Variants in FLT3 observed in about 807,000 individuals in gnomAD.
FLT3 encodes fms related receptor tyrosine kinase 3, also known as receptor-type tyrosine-protein kinase FLT3.
In FLT3, 46 loss-of-function variants were observed where a neutral mutation model predicts 126.6. The ratio of observed to expected loss-of-function variants is 0.36; its 90% CI spans 0.29 to 0.46. FLT3 has a LOEUF of 0.46. FLT3 is among the 20% of genes least tolerant of loss of function. FLT3 has a pLI of 1.00. For missense variants in FLT3, 1,069 were observed against 1,190.3 expected, an observed-to-expected ratio of 0.90 and a Z score of 1.50; for synonymous variants, 404 against 434.4, an observed-to-expected ratio of 0.93 and a Z score of 0.87.
intron 15 of FLT3, among the ~76,000 whole-genome samples, chr13:28,029,822 C>A (rs1873153688): frequency 6.6e-6 from 1 of 152,226 alleles, no homozygotes; most frequent in South Asian, 2.1e-4. Context: ...TTGGCCAATG[C>A]ATTCTCTCTC....
intron 4 of FLT3, among the ~76,000 whole-genome samples, chr13:28,056,118 G>C (rs184869914): frequency 2.6e-5 from 4 of 152,160 alleles, no homozygotes; most frequent in Admixed American, 2.0e-4. Flanking sequence ...GGACTCTTGC[G>C]TGCTCTCTTC....
At chr13:28,057,541 C>T (rs1272888411) in intron 3 of FLT3, 79 bp from the exon 4 acceptor site, 1 of 749,882 alleles carries the variant, frequency 1.3e-6, no homozygotes, top group African/African-American at 1.7e-5. Context: ...ACTAAAAAGG[C>T]AGTTTGGTAC....
At chr13:28,005,509 T>C (rs1423244936) in intron 23 of FLT3, among the ~76,000 whole-genome samples, 1 of 152,218 alleles carries the variant, frequency 6.6e-6, no homozygotes, top group Admixed American at 6.5e-5. Flanking sequence ...ATATTTACAT[T>C]ATTCACTAAG....
At chr13:28,048,192 A>G (rs1397750901) in intron 9 of FLT3, 83 bp downstream of exon 9, 7 of 1,067,270 alleles carry the variant, frequency 6.6e-6, no homozygotes, top group Non-Finnish European at 9.6e-6. Flanking sequence ...TTGCTTCCAT[A>G]AGTATAAAAC....
At chr13:28,058,189 C>T (rs1278531401) in intron 3 of FLT3, among the ~76,000 whole-genome samples, 2 of 135,964 alleles carry the variant, frequency 1.5e-5, no homozygotes, top group Admixed American at 7.9e-5. Context: ...TGAGACCCTA[C>T]CTCTATTTTT....
intron 1 of FLT3, among the ~76,000 whole-genome samples, chr13:28,091,277 A>G (rs567354593): frequency 1.2e-3 from 141 of 112,938 alleles, no homozygotes; most frequent in South Asian, 1.9e-3. Flanking sequence ...GCTGGAGTGC[A>G]GTGGCGCGAT....
At chr13:28,030,469 A>G (rs1873221164) in intron 15 of FLT3, among the ~76,000 whole-genome samples, 1 of 152,208 alleles carries the variant, frequency 6.6e-6, no homozygotes, top group African/African-American at 2.4e-5. Flanking sequence ...ACACTGGGGA[A>G]TGAAGGAAAA....
chr13:28,061,810 T>G, intron 3 of FLT3, 57 bp downstream of exon 3: 1 of 1,429,606 alleles, frequency 7.0e-7, no homozygotes, highest in Non-Finnish European at 9.8e-7. Flanking sequence ...AACAGAAACT[T>G]GAAACAAAAT....
intron 9 of FLT3, among the ~76,000 whole-genome samples, chr13:28,043,922 C>T (rs1874613037): frequency 1.3e-5 from 2 of 151,616 alleles, no homozygotes; most frequent in Admixed American, 6.6e-5. Flanking sequence ...CCAGCCTGGC[C>T]AACATGGTGA....
At chr13:28,029,382 G>A (rs1453773676) in intron 15 of FLT3, among the ~76,000 whole-genome samples, 1 of 150,156 alleles carries the variant, frequency 6.7e-6, no homozygotes, top group Non-Finnish European at 1.5e-5. Flanking sequence ...GTGACAGAGC[G>A]AGACTCTGTC....
At chr13:28,011,079 A>G (rs961525920) in intron 23 of FLT3, among the ~76,000 whole-genome samples, 3 of 151,906 alleles carry the variant, frequency 2.0e-5, no homozygotes, top group East Asian at 1.9e-4. Context: ...TGGAAGGCTG[A>G]GGTGGGCGGA....
intron 9 of FLT3, among the ~76,000 whole-genome samples, chr13:28,042,855 G>A (rs1184490694): frequency 6.9e-6 from 1 of 145,138 alleles, no homozygotes; most frequent in Non-Finnish European, 1.5e-5. Flanking sequence ...TGTGCTCAAG[G>A]CTCAACTCCT....
At chr13:28,055,852 C>A in intron 4 of FLT3, among the ~76,000 whole-genome samples, 1 of 152,126 alleles carries the variant, frequency 6.6e-6, no homozygotes, top group Non-Finnish European at 1.5e-5. Context: ...CTTCATCCAA[C>A]CTGGGGCACG....
chr13:28,081,768 G>T (rs1878326197), intron 1 of FLT3, among the ~76,000 whole-genome samples: 2 of 149,310 alleles, frequency 1.3e-5, no homozygotes, highest in Admixed American at 6.7e-5. Context: ...GCTTGAGGAA[G>T]ATAAGTTCTT....
intron 10 of FLT3, 104 bp downstream of exon 10, chr13:28,037,081 T>C (rs184379906): frequency 5.8e-6 from 4 of 685,994 alleles, no homozygotes; most frequent in Non-Finnish European, 7.7e-6. Flanking sequence ...AAAAACAGTT[T>C]TGTAGTAGCC....
chr13:28,080,576 C>T (rs1878249221), intron 1 of FLT3, among the ~76,000 whole-genome samples: 1 of 152,098 alleles, frequency 6.6e-6, no homozygotes, highest in Admixed American at 6.6e-5. Flanking sequence ...GGATACAAGT[C>T]CTTTATCACT....
chr13:28,015,924 A>G, intron 20 of FLT3, among the ~76,000 whole-genome samples: 1 of 152,106 alleles, frequency 6.6e-6, no homozygotes, highest in East Asian at 1.9e-4. Context: ...CTCTCGAACA[A>G]AGGCTTGTGC....
intron 12 of FLT3, among the ~76,000 whole-genome samples, chr13:28,034,717 G>T (rs1210613216): frequency 6.6e-6 from 1 of 152,180 alleles, no homozygotes; most frequent in Non-Finnish European, 1.5e-5. Flanking sequence ...CACTTTGGGA[G>T]GCCAAGATGG....
rs1460953473 is a variant in FLT3 at position 28,050,148 on chromosome 13, C to T, written c.689G>A (p.Arg230Lys). Reference sequence around the variant, plus strand: ...GCCCAGTTCATTTCTGGCACAGCACCTTATGTCCGTCCCAAATAATTCATG... The same window carrying T: ...GCCCAGTTCATTTCTGGCACAGCACTTTATGTCCGTCCCAAATAATTCATG... ...VLHELFGTDI[R>K]CCARNELGRE... Residue 230 changes from arginine to lysine, a missense_variant, in exon 6 of 24, where the codon AGG (arginine) becomes AAG (lysine). By Grantham distance (26) the Arg-to-Lys change is conservative. Coordinates refer to ENST00000241453, the MANE Select transcript of FLT3 (RefSeq NM_004119.3). 2 of 1,613,922 alleles carry T rather than the reference C, an allele frequency of 1.2e-6. No homozygotes were observed. The highest frequency in any genetic ancestry group is 1.7e-6 in the Non-Finnish European group (2 of 1,179,920).
Sources: gnomAD v4.1 joint callset for allele counts (sites outside exome capture counted in the v4.1 genomes callset) on GRCh38, gnomAD v4.1.1 for gene constraint, MANE v1.5 for transcripts, NCBI Gene and HGNC (gene_info 2026-07-23, HGNC 2026-07-21) for gene names.